XIRP2: variants seen among roughly 807,000 people sequenced by gnomAD.
XIRP2 encodes xin actin-binding repeat-containing protein 2.
In XIRP2, 236 loss-of-function variants were observed where a neutral mutation model predicts 277.0. The observed-to-expected ratio is 0.85, with a 90% confidence interval of 0.77 to 0.95. The LOEUF (loss-of-function observed/expected upper bound fraction) is 0.95. Among genes scored for constraint, XIRP2 ranks in the 40% least tolerant of loss-of-function variants. The probability of loss-of-function intolerance (pLI) is 0.00; values close to 1 mark genes in which losing one functional copy is unlikely to be tolerated. For synonymous variants in XIRP2, 1,490 were observed against 1,416.5 expected (o/e 1.05, Z -1.17); for missense variants, 4,640 against 4,157.5 (o/e 1.12, Z -3.19).
intron 4 of XIRP2, among the ~76,000 whole-genome samples, chr2:167,217,043 G>A (rs1340587541): frequency 8.4e-5 from 12 of 143,286 alleles, no homozygotes; most frequent in South Asian, 4.5e-4. Context: ...AGAAAAAACC[G>A]AACACCGCAT....
At chr2:167,106,023 G>A (rs1179371761) in intron 2 of XIRP2, among the ~76,000 whole-genome samples, 1 of 72,566 alleles carries the variant, frequency 1.4e-5, no homozygotes, top group Non-Finnish European at 2.3e-5. Flanking sequence ...TTTTGCTATT[G>A]AGTTTTGAGA....
intron 2 of XIRP2, among the ~76,000 whole-genome samples, chr2:167,102,036 G>A (rs1313894143): frequency 6.6e-6 from 1 of 152,180 alleles, no homozygotes; most frequent in Non-Finnish European, 1.5e-5. Flanking sequence ...GAACTCATTT[G>A]AGCAAGATAA....
rs1695385998 is a variant in XIRP2 at position 167,249,178 on chromosome 2, G to A, written c.7786G>A (p.Val2596Ile). Residue 2596 changes from valine to isoleucine, a missense_variant, in exon 9 of 11, where the codon GTT (valine) becomes ATT (isoleucine). Transcript: ENST00000409195. Reference sequence around the variant, plus strand: ...GCCATTACAAAAAACCAATGAGGAGGTTTCCCTATCTGGAATTGATTCAGA... The same window carrying A: ...GCCATTACAAAAAACCAATGAGGAGATTTCCCTATCTGGAATTGATTCAGA... ...EMPLQKTNEE[V>I]SLSGIDSECT... 1.2e-6 allele frequency: 2 copies of A among 1,613,562 alleles called. No individual in the cohort carries two copies. The highest frequency in any genetic ancestry group is 2.7e-5 in the African/African-American group (2 of 74,850).
intron 2 of XIRP2, among the ~76,000 whole-genome samples, chr2:167,010,695 C>A (rs1687651937): frequency 6.6e-6 from 1 of 152,076 alleles, no homozygotes; most frequent in African/African-American, 2.4e-5. Flanking sequence ...ATTCTTCCTA[C>A]CCATGGCCAT....
chr2:167,254,907 A>AT (rs111733963), intron 10 of XIRP2, among the ~76,000 whole-genome samples: 9,507 of 143,968 alleles, frequency 0.066, 329 homozygotes, highest in East Asian at 0.12. Flanking sequence ...GCTAAAATTG[A>AT]TTTTTTTTTT....
intron 2 of XIRP2, among the ~76,000 whole-genome samples, chr2:167,007,697 T>TCACACACA (rs1279562385): frequency 4.1e-5 from 5 of 120,922 alleles, no homozygotes; most frequent in East Asian, 4.7e-4. Context: ...TCTCTCTCTC[T>TCACACACA]CTCTCTCACA....
Position 167,257,914 on chromosome 2 carries a change from A to C in XIRP2, c.*97A>C. 3 of 1,611,334 alleles carry C rather than the reference A, an allele frequency of 1.9e-6. No homozygotes were observed. The South Asian group carries it at 3.3e-5, about 18-fold the overall frequency. On this transcript the variant is annotated 3_prime_UTR_variant, in exon 11 of 11. Coordinates refer to ENST00000409195, the MANE Select transcript of XIRP2 (RefSeq NM_152381.6). ...TATACTGTAAACCTCACTTTAAACA[A>C]CTTTTCAAATCCAAAGGAAATTATG...
intron 3 of XIRP2, among the ~76,000 whole-genome samples, chr2:167,188,383 G>T (rs1693225886): frequency 6.6e-6 from 1 of 152,158 alleles, no homozygotes; most frequent in Admixed American, 6.5e-5. Flanking sequence ...ATAATACAGG[G>T]TTTAAATTTA....
At chr2:167,043,982 T>C (rs113547604) in intron 2 of XIRP2, among the ~76,000 whole-genome samples, 4,998 of 151,820 alleles carry the variant, frequency 0.033, 200 homozygotes, top group African/African-American at 0.09. Context: ...AAATAGAAAA[T>C]GTCAGGCCAG....
At chr2:167,076,889 T>A (rs951325403) in intron 2 of XIRP2, among the ~76,000 whole-genome samples, 2 of 152,108 alleles carry the variant, frequency 1.3e-5, no homozygotes, top group Non-Finnish European at 1.5e-5. Context: ...CGGAGTGCAG[T>A]GGGGCAATCT....
intron 2 of XIRP2, among the ~76,000 whole-genome samples, chr2:166,928,541 A>G (rs1414797886): frequency 6.6e-6 from 1 of 152,148 alleles, no homozygotes; most frequent in South Asian, 2.1e-4. Flanking sequence ...CCAGGAGATT[A>G]TATTTGCAGT....
intron 2 of XIRP2, among the ~76,000 whole-genome samples, chr2:167,044,529 A>T (rs1186632605): frequency 6.6e-6 from 1 of 152,158 alleles, no homozygotes; most frequent in Non-Finnish European, 1.5e-5. Context: ...AAAATCCAAT[A>T]GTCTCAGCCC....
At chr2:167,257,713 A>T (rs747931000) in intron 10 of XIRP2, 144 bp from the exon 11 acceptor site, 1 of 733,050 alleles carries the variant, frequency 1.4e-6, no homozygotes, top group Non-Finnish European at 2.2e-6. Context: ...ATATTATCTA[A>T]CAGAAATGTT....
intron 10 of XIRP2, among the ~76,000 whole-genome samples, chr2:167,255,823 C>T (rs988904342): frequency 1.5e-4 from 23 of 151,898 alleles, no homozygotes; most frequent in African/African-American, 5.5e-4. Context: ...AAACAATATT[C>T]GTTGAATTCT....
At chr2:167,094,469 A>C (rs1016364153) in intron 2 of XIRP2, among the ~76,000 whole-genome samples, 4 of 152,116 alleles carry the variant, frequency 2.6e-5, no homozygotes, top group African/African-American at 9.7e-5. Flanking sequence ...TAAGTCTTTA[A>C]TCCATCTTGA....
chr2:167,029,573 A>G (rs574973685), intron 2 of XIRP2, among the ~76,000 whole-genome samples: 1 of 152,158 alleles, frequency 6.6e-6, no homozygotes, highest in South Asian at 2.1e-4. Flanking sequence ...ATTGTGGTGG[A>G]TAAGCTTTTT....
At chr2:167,022,622 C>A (rs1688016979) in intron 2 of XIRP2, among the ~76,000 whole-genome samples, 2 of 151,784 alleles carry the variant, frequency 1.3e-5, no homozygotes. Context: ...ACAACAGGCC[C>A]CAGAGTGTGA....
chr2:167,109,463 TAG>T (rs1690695382), intron 2 of XIRP2, among the ~76,000 whole-genome samples: 1 of 152,150 alleles, frequency 6.6e-6, no homozygotes, highest in Admixed American at 6.6e-5. Context: ...GTATTTTTAG[TAG>T]AGACAGAGTT....
chr2:166,961,056 C>G (rs987290448), intron 2 of XIRP2, among the ~76,000 whole-genome samples: 1 of 151,730 alleles, frequency 6.6e-6, no homozygotes, highest in Non-Finnish European at 1.5e-5. Context: ...TGCCACTCCA[C>G]AGCCCCCCTC....
Sources: gnomAD v4.1 joint callset for allele counts (sites outside exome capture counted in the v4.1 genomes callset) on GRCh38, gnomAD v4.1.1 for gene constraint, MANE v1.5 for transcripts, NCBI Gene and HGNC (gene_info 2026-07-23, HGNC 2026-07-21) for gene names.